FRY: variants seen among roughly 807,000 people sequenced by gnomAD.
The protein encoded by FRY is protein furry homolog.
Under a neutral mutation model 348.4 loss-of-function variants are expected in FRY, and 128 were observed. The ratio of observed to expected loss-of-function variants is 0.37; its 90% CI spans 0.32 to 0.43. The LOEUF is 0.43. Ranked by LOEUF, FRY falls within the 20% of genes least tolerant of loss-of-function variation. FRY has a pLI of 1.00. For missense variants in FRY, 2,736 were observed against 3,695.2 expected (o/e 0.74, Z 6.73); for synonymous variants, 1,370 against 1,374.7 (o/e 1.00, Z 0.08).
At chr13:32,196,759 TG>T (rs1781852050) in intron 29 of FRY, among the ~76,000 whole-genome samples, 1 of 152,212 alleles carries the variant, frequency 6.6e-6, no homozygotes, top group African/African-American at 2.4e-5. Context: ...GTATTAATTT[TG>T]CAAAATTTTT....
intron 16 of FRY, among the ~76,000 whole-genome samples, chr13:32,157,810 A>ATAGAAAG (rs1881200728): frequency 6.6e-6 from 1 of 152,180 alleles, no homozygotes; most frequent in Non-Finnish European, 1.5e-5. Context: ...AGACTGCATC[A>ATAGAAAG]CAGAAAGCAT....
chr13:32,131,605 C>G (rs1489428343), intron 7 of FRY, 67 bp from the exon 8 acceptor site: 1 of 1,078,272 alleles, frequency 9.3e-7, no homozygotes, highest in East Asian at 2.4e-5. Flanking sequence ...CTCCCAGATG[C>G]TGGAGGCCCC....
At position 32,201,933 on chromosome 13, in the gene FRY, G is replaced by GT. The variant is rs1566128693; in HGVS notation, c.3747-3dup. Reference sequence around the variant, plus strand: ...TGCTTTTTTTGTTTTGTTCTGTTGTGTTTTTAGGAACTATCCCTTCGACAT... The same window carrying GT: ...TGCTTTTTTTGTTTTGTTCTGTTGTGTTTTTTAGGAACTATCCCTTCGACAT... On this transcript the variant is annotated splice_region_variant and splice_polypyrimidine_tract_variant and intron_variant, in intron 29 of 60. Coordinates refer to ENST00000542859, the MANE Select transcript of FRY (RefSeq NM_023037.3). The GT allele has an allele frequency of 2.0e-6, 3 of 1,486,792 alleles. No individual in the cohort carries two copies. In the South Asian group the frequency reaches 3.4e-5, roughly 17 times the overall value. The allele number at this position is 1,486,792 out of a possible 1,614,324, so 92.1% of individuals were successfully genotyped here.
chr13:32,253,179 C>A (rs556991416), intron 50 of FRY, among the ~76,000 whole-genome samples: 1 of 152,338 alleles, frequency 6.6e-6, no homozygotes, highest in South Asian at 2.1e-4. Context: ...TCTCATGTCT[C>A]GTCTCTCACT....
At position 32,228,592 on chromosome 13, in the gene FRY, T is replaced by C. The variant is rs191219337; in HGVS notation, c.5343T>C (p.Asp1781=). Residue 1781 remains aspartate, a synonymous_variant, in exon 40 of 61, where the codon GAT becomes GAC. Transcript: ENST00000542859. The part of the protein sequence containing the change: ...NLPQMTQEVE[D]VDTAAETDEK... ...CACAGATGACCCAGGAGGTAGAAGATGTGGACACAGCTGCTGAAACAGATG... is the reference window on the plus strand; with the variant it reads ...CACAGATGACCCAGGAGGTAGAAGACGTGGACACAGCTGCTGAAACAGATG... 4.8e-4 allele frequency: 772 copies of C among 1,614,084 alleles called. 8 individuals carry two copies. In the African/African-American group the frequency reaches 8.6e-3, roughly 18 times the overall value.
intron 26 of FRY, 36 bp downstream of exon 26, chr13:32,185,184 C>T: frequency 6.3e-7 from 1 of 1,579,854 alleles, no homozygotes; most frequent in Non-Finnish European, 8.7e-7. Context: ...ACCATTCATG[C>T]TTGGAAGCCC....
chr13:32,114,950 TTAAA>T (rs1427230271), intron 3 of FRY, among the ~76,000 whole-genome samples: 1 of 152,232 alleles, frequency 6.6e-6, no homozygotes, highest in African/African-American at 2.4e-5. Context: ...GGGTGACTCT[TTAAA>T]TAATTAGATT....
At chr13:32,205,436 G>A (rs926086212) in intron 31 of FRY, among the ~76,000 whole-genome samples, 4 of 152,158 alleles carry the variant, frequency 2.6e-5, no homozygotes, top group African/African-American at 9.7e-5. Context: ...ACATTACAGA[G>A]CAAGAGACCA....
At chr13:32,168,497 T>C (rs1881878541) in intron 17 of FRY, among the ~76,000 whole-genome samples, 1 of 152,234 alleles carries the variant, frequency 6.6e-6, no homozygotes, top group Admixed American at 6.5e-5. Flanking sequence ...ACCACAGAGC[T>C]CTATATAAAC....
intron 11 of FRY, among the ~76,000 whole-genome samples, chr13:32,143,867 A>G (rs1880234029): frequency 1.3e-5 from 2 of 152,256 alleles, no homozygotes; most frequent in South Asian, 4.1e-4. Context: ...ACTCTCATAC[A>G]TTCCTGTGAT....
intron 3 of FRY, among the ~76,000 whole-genome samples, chr13:32,103,960 CG>C (rs1425781917): frequency 1.2e-4 from 18 of 146,422 alleles, no homozygotes; most frequent in East Asian, 1.9e-4. Context: ...GACCGCATCT[CG>C]AAAAAAAAAA....
At chr13:32,124,762 G>T (rs1279750407) in intron 6 of FRY, 33 bp from the exon 7 acceptor site, 3 of 1,555,640 alleles carry the variant, frequency 1.9e-6, no homozygotes, top group East Asian at 4.5e-5. Flanking sequence ...GATGACCAGG[G>T]ATCCCTAACT....
chr13:32,224,105 A>T (rs1384221375), intron 36 of FRY, 130 bp from the exon 37 acceptor site: 9 of 941,806 alleles, frequency 9.6e-6, no homozygotes, highest in Non-Finnish European at 1.5e-5. Flanking sequence ...CCCTAAAAAA[A>T]ATTTAAAAAT....
chr13:32,232,193 C>T (rs982170021), intron 41 of FRY, among the ~76,000 whole-genome samples: 33 of 152,196 alleles, frequency 2.2e-4, no homozygotes, highest in African/African-American at 8.0e-4. Flanking sequence ...AAGCAGTTTA[C>T]TATTTGTATG....
chr13:32,224,561 A>G (rs1441972331), intron 37 of FRY, among the ~76,000 whole-genome samples, 176 bp downstream of exon 37: 1 of 152,226 alleles, frequency 6.6e-6, no homozygotes, highest in Non-Finnish European at 1.5e-5. Flanking sequence ...TCAAATGTTA[A>G]TCAACATTCA....
chr13:32,257,848 A>T, intron 51 of FRY: 1 of 842,034 alleles, frequency 1.2e-6, no homozygotes, highest in Non-Finnish European at 2.0e-6. Context: ...GTATATTGTT[A>T]GCACTGTTGG....
intron 11 of FRY, among the ~76,000 whole-genome samples, chr13:32,138,698 A>G (rs1879872523): frequency 6.6e-6 from 1 of 152,198 alleles, no homozygotes; most frequent in Admixed American, 6.5e-5. Flanking sequence ...ACATTCCAGA[A>G]TTCAGTTCAG....
At chr13:32,068,819 G>T (rs1035668111) in intron 1 of FRY, among the ~76,000 whole-genome samples, 2 of 151,398 alleles carry the variant, frequency 1.3e-5, no homozygotes, top group African/African-American at 2.4e-5. Context: ...TATCATCAAT[G>T]TATCTAGGAA....
At chr13:32,289,505 A>G in intron 58 of FRY, 128 bp from the exon 59 acceptor site, 1 of 664,802 alleles carries the variant, frequency 1.5e-6, no homozygotes, top group Non-Finnish European at 2.7e-6. Flanking sequence ...TTTCTGTTTT[A>G]TTTGGAATAA....
Sources: gnomAD v4.1 joint callset for allele counts (sites outside exome capture counted in the v4.1 genomes callset) on GRCh38, gnomAD v4.1.1 for gene constraint, MANE v1.5 for transcripts, NCBI Gene and HGNC (gene_info 2026-07-23, HGNC 2026-07-21) for gene names.